Variants in PECAM1 observed in about 807,000 individuals in gnomAD.
PECAM1 encodes platelet and endothelial cell adhesion molecule 1, also known as platelet endothelial cell adhesion molecule.
Under a neutral mutation model 13.8 loss-of-function variants are expected in PECAM1, and 8 were observed. The observed-to-expected ratio is 0.58, with a 90% confidence interval of 0.34 to 1.05. The LOEUF (loss-of-function observed/expected upper bound fraction) is 1.05, where lower values mean the gene tolerates loss of function less well. Ranked by LOEUF, PECAM1 falls within the 50% of genes least tolerant of loss-of-function variation. The pLI, the probability that PECAM1 is intolerant of heterozygous loss-of-function variation, is 0.03. For missense variants in PECAM1, 304 were observed against 141.2 expected, an observed-to-expected ratio of 2.15 and a Z score of -5.84; for synonymous variants, 136 against 52.6, an observed-to-expected ratio of 2.58 and a Z score of -6.86.
chr17:64,347,714 A>G (rs1357678223), intron 13 of PECAM1, among the ~76,000 whole-genome samples: 19 of 143,544 alleles, frequency 1.3e-4, no homozygotes, highest in African/African-American at 4.7e-4. Flanking sequence ...TATATTATAT[A>G]TATTATATAT....
Position 64,376,235 on chromosome 17 carries a change from G to C in PECAM1, c.386-879C>G, listed in dbSNP as rs997180677. 2.5e-3 allele frequency among the ~76,000 whole-genome samples: 380 copies of C among 152,110 alleles called. 1 individual carries two copies. Among genetic ancestry groups the C allele is most frequent in the African/African-American group, 8.5e-3 (352 of 41,478 alleles). ...CAGGAGAATTGCTTGAACCCCGAAGGCAGAGGTTGCAGTGAGCTGAGATCG... is the reference window on the plus strand; with the variant it reads ...CAGGAGAATTGCTTGAACCCCGAAGCCAGAGGTTGCAGTGAGCTGAGATCG... On this transcript the variant is annotated intron_variant, in intron 3 of 15. Transcript: ENST00000563924.
At chr17:64,347,070 C>T (rs1250174657) in intron 13 of PECAM1, among the ~76,000 whole-genome samples, 1 of 152,104 alleles carries the variant, frequency 6.6e-6, no homozygotes, top group South Asian at 2.1e-4. Context: ...AGTATCATAA[C>T]TAATAATTAT....
chr17:64,390,304 T>C (rs1303104158), intron 2 of PECAM1, 185 bp downstream of exon 2: 19 of 400,944 alleles, frequency 4.7e-5, no homozygotes, highest in Middle Eastern at 6.2e-4. Flanking sequence ...TGACCAGAAC[T>C]TGGCTTAGAT....
In PECAM1 at chr17:64,323,758, T is replaced by C. The variant is rs2812; in HGVS notation, c.*58A>G. 0.53 allele frequency: 633,856 copies of C among 1,196,738 alleles called. 171,266 individuals carry two copies. The highest frequency in any genetic ancestry group is 0.69 in the East Asian group (29,728 of 42,884). 74.1% of individuals were successfully genotyped at this position (1,196,738 alleles called of 1,614,324 possible). ...CACAGAGGTCTTGAAATACAGGGAT[T>C]ATCTGTTCTTCTCGGAACATGGATG... is the stretch of plus-strand genomic sequence containing the variant. On this transcript the variant is annotated 3_prime_UTR_variant, in exon 16 of 16. Transcript: ENST00000563924.
intron 4 of PECAM1, among the ~76,000 whole-genome samples, chr17:64,371,077 T>C (rs1203094981): frequency 6.6e-6 from 1 of 152,134 alleles, no homozygotes; most frequent in Non-Finnish European, 1.5e-5. Flanking sequence ...CTGAAGGGTG[T>C]TTTTCTTTCA....
intron 4 of PECAM1, among the ~76,000 whole-genome samples, chr17:64,374,295 G>T (rs1283073218): frequency 6.6e-6 from 1 of 152,120 alleles, no homozygotes. Flanking sequence ...TTTGAGACCA[G>T]CCTGGCCAAC....
Position 64,355,057 on chromosome 17 carries a change from A to AC in PECAM1, c.1781-18dup, listed in dbSNP as rs1223480818. 2.1e-6 allele frequency: 1 copy of AC among 475,206 alleles called. No homozygotes were observed. Among genetic ancestry groups the AC allele is most frequent in the South Asian group, 6.7e-5 (1 of 14,850 alleles). The allele number at this position is 475,206 out of a possible 1,614,324, so 29.4% of individuals were successfully genotyped here. A position where few individuals can be genotyped will look rare whatever the true frequency, so the allele number is the denominator to read the frequency against. Reference sequence around the variant, plus strand: ...CAAGAATGACTGAAAACAAAACAAAACAAAAAATTTTTTTTGTATATAGGC... The same window carrying AC: ...CAAGAATGACTGAAAACAAAACAAAACCAAAAAATTTTTTTTGTATATAGGC... On this transcript the variant is annotated splice_polypyrimidine_tract_variant and intron_variant, in intron 8 of 15. Coordinates refer to ENST00000563924, the MANE Select transcript of PECAM1 (RefSeq NM_000442.5).
chr17:64,378,278 A>G (rs1301266176), intron 2 of PECAM1, among the ~76,000 whole-genome samples, 161 bp from the exon 3 acceptor site: 1 of 152,104 alleles, frequency 6.6e-6, no homozygotes, highest in Non-Finnish European at 1.5e-5. Flanking sequence ...AACTGTGCAC[A>G]GTGGCTCAAG....
At chr17:64,356,021 T>TC (rs143239830) in intron 8 of PECAM1, 90 bp downstream of exon 8, 10 of 471,648 alleles carry the variant, frequency 2.1e-5, no homozygotes, top group Admixed American at 9.5e-5. Context: ...TAAGCTAGAC[T>TC]CCCCCCCAAC....
chr17:64,358,491 A>G (rs1426983499), intron 7 of PECAM1, among the ~76,000 whole-genome samples: 1 of 152,144 alleles, frequency 6.6e-6, no homozygotes, highest in African/African-American at 2.4e-5. Flanking sequence ...AGCCATCTTC[A>G]GCCTTCTCTG....
intron 2 of PECAM1, among the ~76,000 whole-genome samples, chr17:64,388,451 C>T (rs1313601311): frequency 6.6e-6 from 1 of 152,134 alleles, no homozygotes; most frequent in Non-Finnish European, 1.5e-5. Flanking sequence ...TCCTTTTATC[C>T]AGTCTCAACC....
intron 4 of PECAM1, among the ~76,000 whole-genome samples, chr17:64,374,493 A>G (rs1287228151): frequency 4.6e-5 from 7 of 151,508 alleles, no homozygotes; most frequent in African/African-American, 1.7e-4. Flanking sequence ...TGTCTCAAAA[A>G]CACACACAAG....
intron 6 of PECAM1, among the ~76,000 whole-genome samples, chr17:64,362,117 G>T (rs1189661770): frequency 2.6e-5 from 4 of 152,146 alleles, no homozygotes; most frequent in African/African-American, 9.7e-5. Flanking sequence ...CCAGAATCTC[G>T]CCACCCAAAG....
intron 14 of PECAM1, among the ~76,000 whole-genome samples, chr17:64,331,875 C>A (rs148456843): frequency 6.6e-6 from 1 of 152,136 alleles, no homozygotes; most frequent in East Asian, 1.9e-4. Flanking sequence ...TTGCTGTTCT[C>A]GAAGGTGGTG....
At chr17:64,338,003 G>A (rs2035327181) in intron 14 of PECAM1, among the ~76,000 whole-genome samples, 1 of 151,178 alleles carries the variant, frequency 6.6e-6, no homozygotes, top group Non-Finnish European at 1.5e-5. Context: ...AATTTGCAGG[G>A]CCCCAGTCAG....
At chr17:64,365,721 G>T (rs1428277535) in intron 5 of PECAM1, among the ~76,000 whole-genome samples, 3 of 150,418 alleles carry the variant, frequency 2.0e-5, no homozygotes, top group Non-Finnish European at 4.5e-5. Flanking sequence ...AAGCAATGGG[G>T]AAAGGATTCC....
intron 11 of PECAM1, 56 bp from the exon 12 acceptor site, chr17:64,350,489 A>G (rs2035693057): frequency 2.4e-6 from 1 of 412,646 alleles, no homozygotes; most frequent in Non-Finnish European, 4.4e-6. Context: ...GTTTTCTAAA[A>G]CCTTTTAAAA....
intron 5 of PECAM1, among the ~76,000 whole-genome samples, chr17:64,367,657 G>A (rs1443423343): frequency 6.6e-6 from 1 of 152,004 alleles, no homozygotes; most frequent in Non-Finnish European, 1.5e-5. Context: ...GAGACAGAAT[G>A]TCTCAGTCCA....
intron 14 of PECAM1, among the ~76,000 whole-genome samples, chr17:64,341,250 C>T (rs1232477551): frequency 2.0e-5 from 3 of 149,944 alleles, no homozygotes; most frequent in Non-Finnish European, 3.0e-5. Flanking sequence ...AGTGACAGAG[C>T]GAGACTCCAT....
Sources: gnomAD v4.1 joint callset for allele counts (sites outside exome capture counted in the v4.1 genomes callset) on GRCh38, gnomAD v4.1.1 for gene constraint, MANE v1.5 for transcripts, NCBI Gene and HGNC (gene_info 2026-07-23, HGNC 2026-07-21) for gene names.